The following RBM38 variants were observed in gnomAD, a reference collection of about 807,000 sequenced individuals.
RBM38 encodes RNA-binding protein 38.
A neutral mutation model predicts 23.5 loss-of-function variants in RBM38; 11 were observed. The observed-to-expected ratio is 0.47, with a 90% CI of 0.29 to 0.77. The LOEUF is 0.77. RBM38 is among the 30% of genes least tolerant of loss of function. The pLI, the probability that RBM38 is intolerant of heterozygous loss-of-function variation, is 0.08. For missense variants in RBM38, 330 were observed against 351.9 expected (o/e 0.94, Z 0.50); for synonymous variants, 165 against 166.1 (o/e 0.99, Z 0.05).
intron 3 of RBM38, among the ~76,000 whole-genome samples, chr20:57,402,296 C>T (rs1212088472): frequency 6.6e-6 from 1 of 152,148 alleles, no homozygotes; most frequent in Non-Finnish European, 1.5e-5. Flanking sequence ...GGCAGGTCTC[C>T]ACCACCACCA....
chr20:57,399,931 C>T (rs1366202896), intron 3 of RBM38: 2 of 456,330 alleles, frequency 4.4e-6, no homozygotes, highest in South Asian at 1.5e-5. Context: ...TTTTCAGAGG[C>T]GACTTTATGT....
chr20:57,406,971 G>A (rs1006748680), intron 3 of RBM38, among the ~76,000 whole-genome samples: 2 of 150,344 alleles, frequency 1.3e-5, no homozygotes, highest in Admixed American at 6.6e-5. Context: ...TCCAGCCTGG[G>A]GAACAGAGCG....
rs376638834 is a variant in RBM38, at chr20:57,393,816, C to CTG, written c.416+485_416+486dup. ...CAAGGTCTGATGTTTGTGAACGTTG[C>CTG]TGTAGATACGATGTGTTTGGGGTGG... On this transcript the variant is annotated intron_variant, in intron 3 of 3. Coordinates refer to ENST00000356208, the MANE Select transcript of RBM38 (RefSeq NM_017495.6). 3.2e-3 allele frequency among the ~76,000 whole-genome samples: 486 copies of CTG among 152,326 alleles called. 1 individual carries two copies. The highest frequency in any genetic ancestry group is 0.011 in the African/African-American group (467 of 41,572).
chr20:57,407,802 G>C lies in RBM38; in HGVS notation c.676G>C (p.Val226Leu), dbSNP rs16980970. 17,839 of 1,597,488 alleles carry C rather than the reference G, an allele frequency of 0.011. 1,702 individuals are homozygous for C. The African/African-American group carries it at 0.21, about 19-fold the overall frequency. The part of the protein sequence containing the change: ...SAAAPAGTTF[V>L]QYQAPQLQPD... ...CGCAGCACCCGCGGGCACCACTTTC[G>C]TGCAGTACCAGGCGCCGCAGCTGCA... Residue 226 changes from valine to leucine, a missense_variant, in exon 4 of 4, where the codon GTG becomes CTG. Physicochemically the swap from Val to Leu is conservative, Grantham distance 32 (BLOSUM62 1). This residue lies in a region of RBM38 where 227 missense variants were observed against 216.4 expected (regional missense o/e 1.05). Coordinates refer to ENST00000356208, the MANE Select transcript of RBM38 (RefSeq NM_017495.6). This position sits in a 1 kb window ranked among gnomAD's most constrained non-coding sequence, Gnocchi z 4.0.
At chr20:57,396,287 A>G (rs1015700603) in intron 3 of RBM38, among the ~76,000 whole-genome samples, 2 of 152,212 alleles carry the variant, frequency 1.3e-5, no homozygotes, top group Admixed American at 6.5e-5. Flanking sequence ...CGGCAGTGGC[A>G]AGCACGTGGT....
intron 1 of RBM38, 56 bp from the exon 2 acceptor site, chr20:57,392,598 C>G (rs2067231505): frequency 1.3e-6 from 2 of 1,563,596 alleles, no homozygotes; most frequent in African/African-American, 2.7e-5. Context: ...AGCCGTCTGC[C>G]CCTTTCGCCC....
intron 3 of RBM38, among the ~76,000 whole-genome samples, chr20:57,402,849 C>A (rs1356559514): frequency 6.6e-6 from 1 of 152,262 alleles, no homozygotes; most frequent in African/African-American, 2.4e-5. Flanking sequence ...TTTGCTCCCA[C>A]CTGCCTTCTT....
Position 57,391,614 on chromosome 20 carries a change from C to T in RBM38, c.33C>T (p.Ser11=). MLLQPAPCAP[S]AGFPRPLAAP... ...TGCAGCCCGCGCCGTGCGCCCCGAGCGCGGGCTTCCCGCGGCCCCTGGCCG... is the reference window on the plus strand; with the variant it reads ...TGCAGCCCGCGCCGTGCGCCCCGAGTGCGGGCTTCCCGCGGCCCCTGGCCG... Residue 11 remains serine, a synonymous_variant, in exon 1 of 4, where the codon AGC becomes AGT. Transcript: ENST00000356208. 3 of 1,422,572 alleles carry T rather than the reference C, an allele frequency of 2.1e-6. No homozygotes were observed. The highest frequency in any genetic ancestry group is 1.9e-6 in the Non-Finnish European group (2 of 1,077,074). 88.1% of individuals were successfully genotyped at this position (1,422,572 alleles called of 1,614,324 possible).
At chr20:57,393,398 T>C (rs1358548605) in intron 3 of RBM38, 65 bp downstream of exon 3, 95 of 1,510,086 alleles carry the variant, frequency 6.3e-5, no homozygotes, top group Non-Finnish European at 8.6e-5. Context: ...GGCCTTGGGC[T>C]TCCTGGGTCT....
intron 3 of RBM38, among the ~76,000 whole-genome samples, chr20:57,395,313 C>T (rs546494327): frequency 2.0e-5 from 3 of 152,096 alleles, no homozygotes; most frequent in South Asian, 2.1e-4. Flanking sequence ...GGTGCCTGAA[C>T]GCATGCTTTC....
rs73616204 is a variant in RBM38 at position 57,401,134 on chromosome 20, C to G, written c.417-6409C>G. On this transcript the variant is annotated intron_variant, in intron 3 of 3. Transcript: ENST00000356208. ...GGGTTCTTGGCTGCTGCCCCCTGAC[C>G]TGGGGCTGAAAGTCCTAGGAGAGGG... Among the ~76,000 whole-genome samples, 27 of 152,362 alleles carry G rather than the reference C, an allele frequency of 1.8e-4. No individual in the cohort carries two copies. In the East Asian group the frequency reaches 5.0e-3, roughly 28 times the overall value.
chr20:57,405,511 T>TGCA (rs1242845791), intron 3 of RBM38, among the ~76,000 whole-genome samples: 1 of 152,206 alleles, frequency 6.6e-6, no homozygotes, highest in East Asian at 1.9e-4. Context: ...CCGTGTGGGC[T>TGCA]GCAGGTGTGG....
chr20:57,405,662 A>G (rs1036172215), intron 3 of RBM38, among the ~76,000 whole-genome samples: 2 of 152,096 alleles, frequency 1.3e-5, no homozygotes, highest in Non-Finnish European at 2.9e-5. Context: ...CCTGGTTTCC[A>G]CCGTTGCTGT....
chr20:57,399,466 C>T (rs2067306221), intron 3 of RBM38, among the ~76,000 whole-genome samples: 1 of 152,114 alleles, frequency 6.6e-6, no homozygotes, highest in African/African-American at 2.4e-5. Context: ...TTTTAAAGAA[C>T]CTGGGAAAGA....
chr20:57,398,424 C>T lies in RBM38; in HGVS notation c.416+5091C>T, dbSNP rs192805348. 3.2e-3 allele frequency among the ~76,000 whole-genome samples: 481 copies of T among 152,258 alleles called. 5 individuals are homozygous for T. The highest frequency in any genetic ancestry group is 6.0e-3 in the East Asian group (31 of 5,168). ...GCCGTGGCGGGCACAGGGTGAGCACCGCAGGGCAGGGGCAGAAGCTGAGGT... is the reference window on the plus strand; with the variant it reads ...GCCGTGGCGGGCACAGGGTGAGCACTGCAGGGCAGGGGCAGAAGCTGAGGT... On this transcript the variant is annotated intron_variant, in intron 3 of 3. Transcript: ENST00000356208.
At chr20:57,394,158 T>C (rs564585498) in intron 3 of RBM38, among the ~76,000 whole-genome samples, 1 of 152,304 alleles carries the variant, frequency 6.6e-6, no homozygotes, top group South Asian at 2.1e-4. Context: ...TGGCACTTCA[T>C]GAACTTTCTG....
chr20:57,404,421 C>A (rs1461649179), intron 3 of RBM38, among the ~76,000 whole-genome samples: 1 of 152,248 alleles, frequency 6.6e-6, no homozygotes, highest in Non-Finnish European at 1.5e-5. Flanking sequence ...TTCAAAGCTT[C>A]CATAGCCTCC....
At chr20:57,392,819 A>G (rs776441929) in intron 2 of RBM38, 42 bp downstream of exon 2, 21 of 1,601,744 alleles carry the variant, frequency 1.3e-5, no homozygotes, top group South Asian at 7.8e-5. Context: ...CTCGGTTTCT[A>G]TATTGGGTGT....
In RBM38 at chr20:57,408,850, G is replaced by T. The variant is rs2067415939; in HGVS notation, c.*1004G>T. On this transcript the variant is annotated 3_prime_UTR_variant, in exon 4 of 4. Coordinates refer to ENST00000356208, the MANE Select transcript of RBM38 (RefSeq NM_017495.6). ...CCTCCCCAACTCCCCAAACACTGTG[G>T]AAGGGGAGAAGGAAGTGATCCACAG... 1 of 152,690 alleles carries T rather than the reference G, an allele frequency of 6.5e-6. No individual in the cohort carries two copies. The highest frequency in any genetic ancestry group is 1.5e-5 in the Non-Finnish European group (1 of 68,066). 9.5% of individuals were successfully genotyped at this position (152,690 alleles called of 1,614,324 possible). A position where few individuals can be genotyped will look rare whatever the true frequency, so the allele number is the denominator to read the frequency against.
Sources: allele counts gnomAD v4.1 joint callset (sites outside exome capture counted in the v4.1 genomes callset), GRCh38; gene constraint gnomAD v4.1.1; regional missense constraint gnomAD v4.1.1; non-coding constraint Gnocchi (gnomAD v3.1); transcripts MANE v1.5; gene names NCBI Gene and HGNC (gene_info 2026-07-23, HGNC 2026-07-21).